DMD: variants seen among roughly 807,000 people sequenced by gnomAD.
The protein encoded by DMD is mutant dystrophin.
DMD carries 63 observed loss-of-function variants against 330.1 expected under a neutral mutation model. That is an observed-to-expected ratio of 0.19 (90% confidence interval 0.16 to 0.24). DMD has a LOEUF of 0.24. Ranked by LOEUF, DMD falls within the 10% of genes least tolerant of loss-of-function variation. The pLI is 1.00. For synonymous variants in DMD, 1,223 were observed against 959.8 expected, an observed-to-expected ratio of 1.27 and a Z score of -5.07; for missense variants, 3,344 against 2,684.1, an observed-to-expected ratio of 1.25 and a Z score of -5.43.
chrX:32,816,699 A>C (rs974257510), intron 5 of DMD, 59 bp from the exon 6 acceptor site: 1 of 1,094,886 alleles, frequency 9.1e-7, no homozygotes, highest in African/African-American at 1.8e-5. Context: ...AACCATGCAA[A>C]CTTAAATATG....
intron 3 of DMD, among the ~76,000 whole-genome samples, chrX:32,847,151 T>G (rs1454139431): frequency 8.9e-6 from 1 of 112,314 alleles, no homozygotes; most frequent in East Asian, 2.8e-4. Flanking sequence ...GCCTAGTAGT[T>G]AGACCAAAGC....
chrX:32,115,282 C>T lies in DMD; in HGVS notation c.6438+101634G>A, dbSNP rs1884586186. Among the ~76,000 whole-genome samples, 3 of 111,605 alleles carry T rather than the reference C, an allele frequency of 2.7e-5. No individual in the cohort carries two copies. The South Asian group carries it at 1.1e-3, about 42-fold the overall frequency. ...ACAGGGTCTCACTCTGTTGCCCAGGCTGGAGTGCAGCGGTGTGATCACGGC... is the reference window on the plus strand; with the variant it reads ...ACAGGGTCTCACTCTGTTGCCCAGGTTGGAGTGCAGCGGTGTGATCACGGC... On this transcript the variant is annotated intron_variant, in intron 44 of 78. Coordinates refer to ENST00000357033, the MANE Select transcript of DMD (RefSeq NM_004006.3).
chrX:32,396,326 T>C (rs767116355), intron 30 of DMD, among the ~76,000 whole-genome samples: 3 of 111,560 alleles, frequency 2.7e-5, no homozygotes, highest in South Asian at 7.4e-4. Flanking sequence ...ATTATTAACA[T>C]TGAAAAAAAT....
rs143118853 is a variant in DMD, at chrX:31,187,494, C to A, written c.9808-4590G>T. 6.6e-3 allele frequency among the ~76,000 whole-genome samples: 733 copies of A among 111,870 alleles called. 4 individuals are homozygous for A. The highest frequency in any genetic ancestry group is 0.022 in the African/African-American group (691 of 30,777). On this transcript the variant is annotated intron_variant, in intron 67 of 78. Transcript: ENST00000357033. ...TCTTTTGTTCTGTACCGTAGGCTCA[C>A]ACACGGTTCCTACTCAACTAAAATC...
At chrX:32,035,839 C>T (rs1234992644) in intron 44 of DMD, among the ~76,000 whole-genome samples, 2 of 106,106 alleles carry the variant, frequency 1.9e-5, no homozygotes, top group African/African-American at 3.8e-5. Flanking sequence ...CATGTCCCAA[C>T]GAAAAAAACA....
chrX:31,366,336 A>T (rs930629491), intron 60 of DMD, among the ~76,000 whole-genome samples: 1 of 107,834 alleles, frequency 9.3e-6, no homozygotes, highest in South Asian at 4.1e-4. Context: ...GCAGAGGAAG[A>T]GAGATAAGTG....
Position 32,866,724 on chromosome X carries a change from T to TTGG in DMD, c.94-16905_94-16904insCCA, listed in dbSNP as rs1307416049. On this transcript the variant is annotated intron_variant, in intron 2 of 78. Transcript: ENST00000357033. The stretch of plus-strand genomic sequence containing the variant: ...ATATATACATACACACACTTTTTTT[T>TTGG]GGGGGGGGGTGGGGGGGTGGGGGGG... Among the ~76,000 whole-genome samples, 100 of 38,411 alleles carry TTGG rather than the reference T, an allele frequency of 2.6e-3. 2 individuals are homozygous for TTGG. Among genetic ancestry groups the TTGG allele is most frequent in the African/African-American group, 0.016 (96 of 5,895 alleles). The allele number at this position is 38,411 out of a possible 115,157, so 33.4% of individuals were successfully genotyped here.
intron 18 of DMD, among the ~76,000 whole-genome samples, chrX:32,516,414 T>C (rs893939934): frequency 8.9e-6 from 1 of 111,764 alleles, no homozygotes; most frequent in African/African-American, 3.2e-5. Context: ...TATAAAACAC[T>C]GTACATTTTT....
rs1431287769 is a variant in DMD, at chrX:31,121,768, T to A, written c.*151A>T. ...AGATTTATTTCTTGTAAACTCTTAC[T>A]GTCTAATCCTCTTTGTTGTATGAAT... On this transcript the variant is annotated 3_prime_UTR_variant, in exon 79 of 79. Coordinates refer to ENST00000357033, the MANE Select transcript of DMD (RefSeq NM_004006.3). 2 of 808,630 alleles carry A rather than the reference T, an allele frequency of 2.5e-6. No individual in the cohort carries two copies. Among genetic ancestry groups the A allele is most frequent in the African/African-American group, 4.0e-5 (2 of 49,628 alleles). The allele number at this position is 808,630 out of a possible 1,213,427, so 66.6% of individuals were successfully genotyped here. A position where few individuals can be genotyped will look rare whatever the true frequency, so the allele number is the denominator to read the frequency against.
intron 61 of DMD, among the ~76,000 whole-genome samples, chrX:31,335,817 C>T (rs1018636098): frequency 8.9e-6 from 1 of 112,074 alleles, no homozygotes; most frequent in African/African-American, 3.2e-5. Context: ...TCCAGGAAGC[C>T]AACTCTAAGG....
chrX:31,426,202 T>TA (rs1287335562), intron 60 of DMD, among the ~76,000 whole-genome samples: 6 of 110,735 alleles, frequency 5.4e-5, no homozygotes, highest in Admixed American at 2.9e-4. Flanking sequence ...GAGTTCGTGT[T>TA]AAAAAAAAAT....
intron 60 of DMD, among the ~76,000 whole-genome samples, chrX:31,444,205 TA>T (rs1028821777): frequency 9.9e-5 from 11 of 111,148 alleles, no homozygotes; most frequent in African/African-American, 3.6e-4. Context: ...CTGAGCCAAA[TA>T]AACACCTGTT....
At chrX:31,180,652 C>T (rs2041063319) in intron 68 of DMD, among the ~76,000 whole-genome samples, 171 bp from the exon 69 acceptor site, 1 of 111,621 alleles carries the variant, frequency 9.0e-6, no homozygotes, top group African/African-American at 3.3e-5. Context: ...CGGTGCCTCT[C>T]CTACAGTACC....
chrX:31,674,934 T>C (rs1603444603), intron 53 of DMD, among the ~76,000 whole-genome samples: 1 of 112,411 alleles, frequency 8.9e-6, no homozygotes, highest in South Asian at 3.7e-4. Context: ...TCATCTCTCA[T>C]AGGATTCTGT....
chrX:32,640,580 C>G (rs1054671984), intron 11 of DMD, among the ~76,000 whole-genome samples: 1 of 110,303 alleles, frequency 9.1e-6, no homozygotes, highest in Non-Finnish European at 1.9e-5. Flanking sequence ...TTGAAGCAGT[C>G]TATTTCCAAA....
In DMD at chrX:32,888,919, A is replaced by G. The variant is rs770448533; in HGVS notation, c.94-39099T>C. On this transcript the variant is annotated intron_variant, in intron 2 of 78. Coordinates refer to ENST00000357033, the MANE Select transcript of DMD (RefSeq NM_004006.3). ...CTCAAGTCCAGGCACGGAAAATTATAATTTTTTTTTTTGGAAAAAAATGTG... is the reference window on the plus strand; with the variant it reads ...CTCAAGTCCAGGCACGGAAAATTATGATTTTTTTTTTTGGAAAAAAATGTG... 2.7e-5 allele frequency among the ~76,000 whole-genome samples: 3 copies of G among 109,805 alleles called. No individual in the cohort carries two copies. In the East Asian group the frequency reaches 8.8e-4, roughly 32 times the overall value.
intron 9 of DMD, among the ~76,000 whole-genome samples, 173 bp from the exon 10 acceptor site, chrX:32,645,325 T>C (rs1030696810): frequency 1.8e-5 from 2 of 112,098 alleles, no homozygotes; most frequent in South Asian, 7.4e-4. Flanking sequence ...AACTTCCTCA[T>C]GCATACATCA....
At chrX:32,718,387 C>A (rs749554145) in intron 7 of DMD, among the ~76,000 whole-genome samples, 2 of 111,217 alleles carry the variant, frequency 1.8e-5, no homozygotes, top group South Asian at 7.6e-4. Context: ...GTAAGCCGTG[C>A]CTACTTCCCC....
chrX:33,303,495 C>A (rs1429748276), intron 1 of DMD, among the ~76,000 whole-genome samples: 1 of 111,067 alleles, frequency 9.0e-6, no homozygotes, highest in Non-Finnish European at 1.9e-5. Flanking sequence ...GGAAGAATTA[C>A]AAATGGATTA....
Sources: gnomAD v4.1 joint callset for allele counts (sites outside exome capture counted in the v4.1 genomes callset) on GRCh38, gnomAD v4.1.1 for gene constraint, MANE v1.5 for transcripts, NCBI Gene and HGNC (gene_info 2026-07-23, HGNC 2026-07-21) for gene names.